Variants in PCNX3 observed in about 807,000 individuals in gnomAD.
PCNX3 encodes pecanex 3, also known as pecanex-like protein 3.
A neutral mutation model predicts 207.2 loss-of-function variants in PCNX3; 58 were observed. That is an observed-to-expected ratio of 0.28 (90% CI 0.23 to 0.35). The LOEUF is 0.35. Ranked by LOEUF, PCNX3 falls within the 10% of genes least tolerant of loss-of-function variation. The pLI, the probability that PCNX3 is intolerant of heterozygous loss-of-function variation, is 1.00. For missense variants in PCNX3, 2,410 were observed against 2,774.4 expected, an observed-to-expected ratio of 0.87 and a Z score of 2.95; for synonymous variants, 1,337 against 1,183.5, an observed-to-expected ratio of 1.13 and a Z score of -2.66.
chr11:65,619,231 T>A (rs908833782), intron 6 of PCNX3, among the ~76,000 whole-genome samples, 164 bp downstream of exon 6: 4 of 152,122 alleles, frequency 2.6e-5, no homozygotes, highest in East Asian at 3.9e-4. Flanking sequence ...GCCAAACCTC[T>A]TAGACATGGG....
At position 65,618,068 on chromosome 11, in the gene PCNX3, C is replaced by T; in HGVS notation, c.706C>T (p.Pro236Ser). ...GAGTGGGAGCAGCATGGCTGACACTCCCATGAGCCCCCTGCTGAAGGGGAG... is the reference window on the plus strand; with the variant it reads ...GAGTGGGAGCAGCATGGCTGACACTTCCATGAGCCCCCTGCTGAAGGGGAG... ...PWSGSSMADT[P>S]MSPLLKGSLS... is the part of the protein sequence containing the mutation. The change falls in exon 6 of 35, where the codon CCC (proline) becomes TCC (serine). Residue 236 changes from proline (P) to serine (S), a missense_variant. By Grantham distance (74) the Pro-to-Ser change is moderately conservative. This residue lies in a region of PCNX3 where 1,104 missense variants were observed against 970.3 expected (regional missense o/e 1.14). Coordinates refer to ENST00000355703, the MANE Select transcript of PCNX3 (RefSeq NM_032223.4). The T allele has an allele frequency of 6.2e-7, 1 of 1,607,400 alleles. No homozygotes were observed. The highest frequency in any genetic ancestry group is 8.5e-7 in the Non-Finnish European group (1 of 1,177,466).
At position 65,637,030 on chromosome 11, in the gene PCNX3, C is replaced by CT; in HGVS notation, c.*53dup. 1 of 1,511,266 alleles carries CT rather than the reference C, an allele frequency of 6.6e-7. No homozygotes were observed. The highest frequency in any genetic ancestry group is 1.2e-5 in the South Asian group (1 of 82,980). 93.6% of individuals were successfully genotyped at this position (1,511,266 alleles called of 1,614,324 possible). A position where few individuals can be genotyped will look rare whatever the true frequency, so the allele number is the denominator to read the frequency against. ...CCTAGGATTCAGTAACGGACCTGCT[C>CT]TGCTGCCTCTCTGCTGGACCACAGA... On this transcript the variant is annotated 3_prime_UTR_variant, in exon 35 of 35. Coordinates refer to ENST00000355703, the MANE Select transcript of PCNX3 (RefSeq NM_032223.4).
At position 65,635,720 on chromosome 11, in the gene PCNX3, C is replaced by T. The variant is rs748813333; in HGVS notation, c.5376C>T (p.Gly1792=). Reference sequence around the variant, plus strand: ...CGCCTCTCACCACCTCGCTGGCTGGCAGCCACCCCCAGCTACGGGCACTGT... The same window carrying T: ...CGCCTCTCACCACCTCGCTGGCTGGTAGCCACCCCCAGCTACGGGCACTGT... ...YVSPLTTSLA[G]SHPQLRALWG... Residue 1792 remains glycine, a synonymous_variant, in exon 32 of 35, where the codon GGC becomes GGT. Transcript: ENST00000355703. The surrounding 1 kb of genome is among the most constrained non-coding windows in gnomAD (Gnocchi z 9.9). The T allele has an allele frequency of 4.1e-5, 66 of 1,606,738 alleles. No homozygotes were observed. The highest frequency in any genetic ancestry group is 5.4e-5 in the Non-Finnish European group (64 of 1,177,256).
chr11:65,620,121 G>A (rs1855008041), intron 8 of PCNX3, among the ~76,000 whole-genome samples, 189 bp downstream of exon 8: 1 of 152,238 alleles, frequency 6.6e-6, no homozygotes, highest in African/African-American at 2.4e-5. Context: ...GGAAACAGAG[G>A]CTCAGCTTAC....
At chr11:65,623,159 G>A (rs920138837) in intron 11 of PCNX3, among the ~76,000 whole-genome samples, 2 of 152,222 alleles carry the variant, frequency 1.3e-5, no homozygotes, top group Non-Finnish European at 2.9e-5. Flanking sequence ...AGCGTGGCAC[G>A]CCCAAGGCAG....
chr11:65,629,075 C>T (rs1419535781), intron 24 of PCNX3, 127 bp downstream of exon 24: 7 of 1,350,814 alleles, frequency 5.2e-6, no homozygotes, highest in African/African-American at 2.9e-5. Context: ...AGTGGGGACA[C>T]ATGAGGCGGC....
chr11:65,625,771 C>T lies in PCNX3; in HGVS notation c.3228+27C>T, dbSNP rs753643906. Reference sequence around the variant, plus strand: ...TTTGTGTGGCATGGGCCGCTGCTGCCTCTCGCTGTCTTGGCGGGAGCCTGC... The same window carrying T: ...TTTGTGTGGCATGGGCCGCTGCTGCTTCTCGCTGTCTTGGCGGGAGCCTGC... On this transcript the variant is annotated intron_variant, in intron 19 of 34. Transcript: ENST00000355703. The surrounding 1 kb of genome is among the most constrained non-coding windows in gnomAD (Gnocchi z 5.6). 1.2e-6 allele frequency: 2 copies of T among 1,602,818 alleles called. No homozygotes were observed. Among genetic ancestry groups the T allele is most frequent in the Admixed American group, 1.7e-5 (1 of 59,294 alleles).
At chr11:65,627,165 A>G (rs1396053358) in intron 21 of PCNX3, 117 bp downstream of exon 21, 11 of 1,372,658 alleles carry the variant, frequency 8.0e-6, no homozygotes, top group Non-Finnish European at 1.1e-5. Flanking sequence ...AAGCTAAAGC[A>G]GGACCCCAGC....
rs369336651 is a variant in PCNX3 at position 65,618,184 on chromosome 11, G to C, written c.822G>C (p.Arg274Ser). 19 of 1,602,672 alleles carry C rather than the reference G, an allele frequency of 1.2e-5. No homozygotes were observed. In the Admixed American group the frequency reaches 1.4e-4, roughly 11 times the overall value. Residue 274 changes from arginine (R) to serine (S), a missense_variant, in exon 6 of 35, where the codon AGG becomes AGC. By Grantham distance (110) the Arg-to-Ser change is moderately radical (BLOSUM62 -1). Around this residue, in one of 8 missense-constraint regions of PCNX3, gnomAD observed 1,104 missense variants for 970.3 expected, o/e 1.14. Transcript: ENST00000355703. Reference sequence around the variant, plus strand: ...CCAGCAGTCGACGGGAACAACGCAGGGGGGCAGGTGGCTATCAGCCCCTTG... The same window carrying C: ...CCAGCAGTCGACGGGAACAACGCAGCGGGGCAGGTGGCTATCAGCCCCTTG... ...VRTSSRREQR[R>S]GAGGYQPLDR...
chr11:65,619,102 C>T (rs141460577), intron 6 of PCNX3, 35 bp downstream of exon 6: 10 of 1,522,864 alleles, frequency 6.6e-6, no homozygotes, highest in African/African-American at 4.1e-5. Flanking sequence ...GGCTGGGGGA[C>T]GTGAGCTACG....
rs769930748 is a variant in PCNX3 at position 65,635,498 on chromosome 11, C to T, written c.5185-31C>T. On this transcript the variant is annotated intron_variant, in intron 31 of 34. Coordinates refer to ENST00000355703, the MANE Select transcript of PCNX3 (RefSeq NM_032223.4). This position sits in a 1 kb window ranked among gnomAD's most constrained non-coding sequence, Gnocchi z 9.9. ...AGCCCTGCCCCAAACCCCCTTGGGC[C>T]GGCCCCCTGACCCTGGCGTGTGGCT... The T allele has an allele frequency of 1.4e-5, 23 of 1,606,898 alleles. No homozygotes were observed. The highest frequency in any genetic ancestry group is 4.4e-5 in the South Asian group (4 of 90,840).
At chr11:65,627,803 T>C (rs1855465469) in intron 22 of PCNX3, among the ~76,000 whole-genome samples, 2 of 152,102 alleles carry the variant, frequency 1.3e-5, no homozygotes, top group South Asian at 4.1e-4. Flanking sequence ...TTCCAGAGAA[T>C]TGGTGGTCAG....
In PCNX3 at chr11:65,624,939, C is replaced by T. The variant is rs1405129555; in HGVS notation, c.2842C>T (p.Leu948Phe). Residue 948 changes from leucine to phenylalanine, a missense_variant, in exon 16 of 35, where the codon CTC (leucine) becomes TTC (phenylalanine). Physicochemically the swap from Leu to Phe is conservative, Grantham distance 22. Around this residue, in one of 8 missense-constraint regions of PCNX3, gnomAD observed 333 missense variants for 386.8 expected, o/e 0.86. Coordinates refer to ENST00000355703, the MANE Select transcript of PCNX3 (RefSeq NM_032223.4). ...CTTCCACACAGCTGCCACCAGCCCGCTCACGGCAGTCTTCAGCCTCTCCCG... is the reference window on the plus strand; with the variant it reads ...CTTCCACACAGCTGCCACCAGCCCGTTCACGGCAGTCTTCAGCCTCTCCCG... ...GFGGTAATSP[L>F]TAVFSLSRSL... The T allele has an allele frequency of 6.2e-7, 1 of 1,610,676 alleles. No individual in the cohort carries two copies. Among genetic ancestry groups the T allele is most frequent in the Non-Finnish European group, 8.5e-7 (1 of 1,179,124 alleles).
In PCNX3 at chr11:65,629,584, A is replaced by G. The variant is rs768961956; in HGVS notation, c.4065A>G (p.Thr1355=). Residue 1355 remains threonine, a synonymous_variant, in exon 26 of 35, where the codon ACA becomes ACG. Transcript: ENST00000355703. The part of the protein sequence containing the change: ...YEHLTRSLQH[T]LCGDLVLGRW... ...ACTTGACACGTTCGCTGCAGCACAC[A>G]CTGTGTGGGGACCTGGTGCTGGGCC... 22 of 1,613,348 alleles carry G rather than the reference A, an allele frequency of 1.4e-5. No individual in the cohort carries two copies. In the South Asian group the frequency reaches 1.9e-4, roughly 14 times the overall value.
At chr11:65,631,236 A>G (rs1302154687) in intron 27 of PCNX3, among the ~76,000 whole-genome samples, 1 of 151,868 alleles carries the variant, frequency 6.6e-6, no homozygotes, top group Non-Finnish European at 1.5e-5. Flanking sequence ...GGGGTTGGTG[A>G]GGCAATGTGG....
chr11:65,625,188 G>T lies in PCNX3; in HGVS notation c.2937G>T (p.Gln979His). 1 of 1,609,030 alleles carries T rather than the reference G, an allele frequency of 6.2e-7. No homozygotes were observed. The change falls in exon 17 of 35, where the codon CAG becomes CAT. Residue 979 changes from glutamine to histidine, a missense_variant. Coordinates refer to ENST00000355703, the MANE Select transcript of PCNX3 (RefSeq NM_032223.4). The surrounding 1 kb of genome is among the most constrained non-coding windows in gnomAD (Gnocchi z 5.6). Reference sequence around the variant, plus strand: ...CTCCGCAGACTCCGTGGCCAGAGCAGCACGTCCCTGTCCTCTTCTCAGTCT... The same window carrying T: ...CTCCGCAGACTCCGTGGCCAGAGCATCACGTCCCTGTCCTCTTCTCAGTCT... ...LGAIKTPWPEQHVPVLFSVFC... is the reference protein window; with the variant it reads ...LGAIKTPWPEHHVPVLFSVFC...
intron 27 of PCNX3, among the ~76,000 whole-genome samples, chr11:65,633,833 G>A (rs1004840946): frequency 6.6e-5 from 10 of 152,198 alleles, no homozygotes; most frequent in African/African-American, 2.4e-4. Context: ...TCATACAAAC[G>A]GGGCATATTC....
chr11:65,626,759 T>A, intron 20 of PCNX3, 145 bp from the exon 21 acceptor site: 1 of 1,217,530 alleles, frequency 8.2e-7, no homozygotes, highest in Non-Finnish European at 1.1e-6. Flanking sequence ...GGCTCGCTGC[T>A]CCCATTTGAG....
In PCNX3 at chr11:65,630,279, T is replaced by C; in HGVS notation, c.4217-72T>C. ...TGGCAGCAGGCCTCTGATGCCATGTTGGTCACTCTCCCAGGACAGGGCAGG... is the reference window on the plus strand; with the variant it reads ...TGGCAGCAGGCCTCTGATGCCATGTCGGTCACTCTCCCAGGACAGGGCAGG... On this transcript the variant is annotated intron_variant, in intron 26 of 34. Transcript: ENST00000355703. 7 of 1,538,050 alleles carry C rather than the reference T, an allele frequency of 4.6e-6. No homozygotes were observed. In the South Asian group the frequency reaches 8.5e-5, roughly 19 times the overall value.
Sources: allele counts gnomAD v4.1 joint callset (sites outside exome capture counted in the v4.1 genomes callset), GRCh38; gene constraint gnomAD v4.1.1; regional missense constraint gnomAD v4.1.1; non-coding constraint Gnocchi (gnomAD v3.1); transcripts MANE v1.5; gene names NCBI Gene and HGNC (gene_info 2026-07-23, HGNC 2026-07-21).